The following NT5C1A variants were observed in gnomAD, a reference collection of about 807,000 sequenced individuals.
NT5C1A encodes the protein cytosolic 5'-nucleotidase 1A.
Under a neutral mutation model 31.0 loss-of-function variants are expected in NT5C1A, and 18 were observed. That is an observed-to-expected ratio of 0.58 (90% CI 0.40 to 0.86). NT5C1A has a LOEUF of 0.86. NT5C1A is among the 40% of genes least tolerant of loss of function. The pLI is 0.00. For synonymous variants in NT5C1A, 185 were observed against 203.6 expected, an observed-to-expected ratio of 0.91 and a Z score of 0.78; for missense variants, 470 against 505.4, an observed-to-expected ratio of 0.93 and a Z score of 0.67.
chr1:39,671,420 A>C (rs1279401151), intron 1 of NT5C1A, among the ~76,000 whole-genome samples: 3 of 152,208 alleles, frequency 2.0e-5, no homozygotes, highest in African/African-American at 7.2e-5. Flanking sequence ...CGGGGAGCGC[A>C]CTGCCCCCAG....
rs548912572 is a variant in NT5C1A, at chr1:39,657,890, G to C, written c.*1231C>G. 1.6e-4 allele frequency among the ~76,000 whole-genome samples: 25 copies of C among 152,176 alleles called. No individual in the cohort carries two copies. Among genetic ancestry groups the C allele is most frequent in the Non-Finnish European group, 3.2e-4 (22 of 68,036 alleles). ...TTCCTCTCCAAGCATCACTGTCTCA[G>C]TACCTTCTGTCTCACACCAGACCTC... On this transcript the variant is annotated 3_prime_UTR_variant, in exon 6 of 6. Transcript: ENST00000235628.
At chr1:39,669,496 C>T (rs989165483) in intron 1 of NT5C1A, among the ~76,000 whole-genome samples, 1 of 152,138 alleles carries the variant, frequency 6.6e-6, no homozygotes, top group African/African-American at 2.4e-5. Flanking sequence ...GAGAATTAGC[C>T]CAGGCCAGGC....
At chr1:39,663,249 G>A in intron 4 of NT5C1A, 63 bp downstream of exon 4, 1 of 1,600,832 alleles carries the variant, frequency 6.2e-7, no homozygotes, top group East Asian at 2.2e-5. Context: ...TCAGGACCAG[G>A]CCTCCCACCT....
rs1570454202 is a variant in NT5C1A at position 39,655,501 on chromosome 1, T to C, written c.*3620A>G. Among the ~76,000 whole-genome samples, 1 of 152,202 alleles carries C rather than the reference T, an allele frequency of 6.6e-6. No homozygotes were observed. The highest frequency in any genetic ancestry group is 1.5e-5 in the Non-Finnish European group (1 of 68,022). On this transcript the variant is annotated 3_prime_UTR_variant, in exon 6 of 6. Coordinates refer to ENST00000235628, the MANE Select transcript of NT5C1A (RefSeq NM_032526.3). ...CCATGCAGGAAATCAACATATTAAC[T>C]GTCAGGTAAGTAAACTCCTTTAGTG... is the stretch of plus-strand genomic sequence containing the variant.
intron 4 of NT5C1A, 80 bp downstream of exon 4, chr1:39,663,232 C>A: frequency 1.3e-6 from 2 of 1,546,390 alleles, no homozygotes; most frequent in African/African-American, 1.4e-5. Context: ...AGCACCTGCT[C>A]GGAACTTCAG....
chr1:39,654,751 C>T lies in NT5C1A; in HGVS notation c.*4370G>A, dbSNP rs1289675313. ...ATAGGTGGATGTGACCTGGCTCATCCCACTGAGGCATCAGCCAGGCTGTCT... is the reference window on the plus strand; with the variant it reads ...ATAGGTGGATGTGACCTGGCTCATCTCACTGAGGCATCAGCCAGGCTGTCT... On this transcript the variant is annotated 3_prime_UTR_variant, in exon 6 of 6. Transcript: ENST00000235628. 2.0e-5 allele frequency among the ~76,000 whole-genome samples: 3 copies of T among 152,218 alleles called. No individual in the cohort carries two copies. Among genetic ancestry groups the T allele is most frequent in the Admixed American group, 1.3e-4 (2 of 15,280 alleles).
Position 39,663,465 on chromosome 1 carries a change from C to G in NT5C1A, c.434-31G>C, listed in dbSNP as rs377003623. 3.9e-5 allele frequency: 63 copies of G among 1,612,456 alleles called. No homozygotes were observed. The East Asian group carries it at 4.5e-4, about 11-fold the overall frequency. Reference sequence around the variant, plus strand: ...AAGGAGGTAAAGGACCCAGGTGAGGCCAGGGTCAACCCTGGGCTTCAGGGC... The same window carrying G: ...AAGGAGGTAAAGGACCCAGGTGAGGGCAGGGTCAACCCTGGGCTTCAGGGC... On this transcript the variant is annotated intron_variant, in intron 3 of 5. Coordinates refer to ENST00000235628, the MANE Select transcript of NT5C1A (RefSeq NM_032526.3).
At position 39,666,170 on chromosome 1, in the gene NT5C1A, G is replaced by C; in HGVS notation, c.202C>G (p.Gln68Glu). 1 of 1,592,016 alleles carries C rather than the reference G, an allele frequency of 6.3e-7. No homozygotes were observed. Among genetic ancestry groups the C allele is most frequent in the Non-Finnish European group, 8.5e-7 (1 of 1,170,466 alleles). ...SRALFRMDEE[Q>E]QIYTEQGVEE... ...ACGCCCTGCTCCGTGTAGATCTGCT[G>C]CTCCTCGTCCATGCGAAACAAGGCT... is the stretch of plus-strand genomic sequence containing the variant. The change falls in exon 2 of 6, where the codon CAG (glutamine) becomes GAG (glutamate). Residue 68 changes from glutamine (Q) to glutamate (E), a missense_variant. Physicochemically the swap from Gln to Glu is conservative, Grantham distance 29 (BLOSUM62 2). Transcript: ENST00000235628.
intron 1 of NT5C1A, among the ~76,000 whole-genome samples, chr1:39,668,295 C>T (rs1646533635): frequency 6.6e-6 from 1 of 152,186 alleles, no homozygotes; most frequent in African/African-American, 2.4e-5. Context: ...CAGCTGCCCT[C>T]CCAGCCCCAT....
chr1:39,665,990 A>T, intron 2 of NT5C1A, 79 bp downstream of exon 2: 1 of 1,361,698 alleles, frequency 7.3e-7, no homozygotes, highest in Non-Finnish European at 1.0e-6. Context: ...CTTTCACCTT[A>T]CTCAAATACT....
chr1:39,661,223 C>A lies in NT5C1A; in HGVS notation c.597G>T (p.Val199=), dbSNP rs749577994. 19 of 1,593,504 alleles carry A rather than the reference C, an allele frequency of 1.2e-5. No homozygotes were observed. In the South Asian group the frequency reaches 1.9e-4, roughly 16 times the overall value. The part of the protein sequence containing the change: ...AATIFSPSRD[V]VVSQSQLRVA... ...CGCGCAGCTGACTCTGGGACACAACCACATCCCTGCTGGGGCTGAAGATGG... is the reference window on the plus strand; with the variant it reads ...CGCGCAGCTGACTCTGGGACACAACAACATCCCTGCTGGGGCTGAAGATGG... The change falls in exon 5 of 6, where the codon GTG becomes GTT. Residue 199 remains valine (V), a synonymous_variant. Transcript: ENST00000235628.
Position 39,666,115 on chromosome 1 carries a change from T to C in NT5C1A, c.257A>G (p.His86Arg), listed in dbSNP as rs200056964. 7.3e-4 allele frequency: 1,171 copies of C among 1,613,708 alleles called. 16 individuals carry two copies. In the South Asian group the frequency reaches 7.3e-3, roughly 10 times the overall value. The change falls in exon 2 of 6, where the codon CAT becomes CGT. Residue 86 changes from histidine (H) to arginine (R), a missense_variant. Physicochemically the swap from His to Arg is conservative, Grantham distance 29 (BLOSUM62 0). Transcript: ENST00000235628. ...VEEYVRYQLE[H>R]ENEPFSPGPA... The stretch of plus-strand genomic sequence containing the variant: ...CCCGGGACTGAAGGGTTCGTTCTCA[T>C]GTTCCAGCTGGTAGCGCACGTACTC...
In NT5C1A at chr1:39,659,268, C is replaced by T. The variant is rs1333825882; in HGVS notation, c.960G>A (p.Lys320=). The part of the protein sequence containing the change: ...AGAPKGPLLE[K]IRPHIFFDDQ... ...CATCAAAGAAGATGTGTGGGCGGAT[C>T]TTCTCAAGGAGAGGGCCCTTGGGCG... Residue 320 remains lysine (K), a synonymous_variant, in exon 6 of 6, where the codon AAG becomes AAA. Coordinates refer to ENST00000235628, the MANE Select transcript of NT5C1A (RefSeq NM_032526.3). 1 of 1,614,028 alleles carries T rather than the reference C, an allele frequency of 6.2e-7. No homozygotes were observed. The highest frequency in any genetic ancestry group is 8.5e-7 in the Non-Finnish European group (1 of 1,180,052).
intron 5 of NT5C1A, among the ~76,000 whole-genome samples, chr1:39,660,061 A>G (rs1289676374): frequency 7.2e-5 from 11 of 152,244 alleles, no homozygotes; most frequent in Non-Finnish European, 1.2e-4. Flanking sequence ...AACGATGAAG[A>G]AAACTGCTTA....
At chr1:39,664,191 T>A (rs554599536) in intron 3 of NT5C1A, among the ~76,000 whole-genome samples, 1 of 151,742 alleles carries the variant, frequency 6.6e-6, no homozygotes, top group South Asian at 2.1e-4. Flanking sequence ...TCTTGCTCTG[T>A]CGCCCAGGCT....
chr1:39,671,232 A>C (rs934747251), intron 1 of NT5C1A, among the ~76,000 whole-genome samples: 1 of 152,202 alleles, frequency 6.6e-6, no homozygotes, highest in Non-Finnish European at 1.5e-5. Context: ...GTGAGGTCCC[A>C]GACGGTTGAC....
In NT5C1A at chr1:39,656,759, C is replaced by T. The variant is rs886756373; in HGVS notation, c.*2362G>A. Among the ~76,000 whole-genome samples, 2 of 152,236 alleles carry T rather than the reference C, an allele frequency of 1.3e-5. No individual in the cohort carries two copies. The highest frequency in any genetic ancestry group is 4.8e-5 in the African/African-American group (2 of 41,454). ...GCCATGCTGTGAGCCTGGGCTGTGCCCGGCCTTGTAGGCTTCTTGCAGTCA... is the reference window on the plus strand; with the variant it reads ...GCCATGCTGTGAGCCTGGGCTGTGCTCGGCCTTGTAGGCTTCTTGCAGTCA... On this transcript the variant is annotated 3_prime_UTR_variant, in exon 6 of 6. Transcript: ENST00000235628.
At position 39,659,429 on chromosome 1, in the gene NT5C1A, T is replaced by C. The variant is rs757138737; in HGVS notation, c.799A>G (p.Lys267Glu). Residue 267 changes from lysine to glutamate, a missense_variant, in exon 6 of 6, where the codon AAA (lysine) becomes GAA (glutamate). Transcript: ENST00000235628. ...LGRLQKKFYSKGLRLECPIRT... is the reference protein window; with the variant it reads ...LGRLQKKFYSEGLRLECPIRT... ...ATTGGGCACTCCAGCCGCAGGCCTT[T>C]GGAGTAGAACTTCTTCTGCAACCTA... 5 of 1,611,302 alleles carry C rather than the reference T, an allele frequency of 3.1e-6. No homozygotes were observed. The highest frequency in any genetic ancestry group is 2.2e-5 in the South Asian group (2 of 90,834).
At chr1:39,662,106 C>G (rs1018045351) in intron 4 of NT5C1A, among the ~76,000 whole-genome samples, 2 of 152,186 alleles carry the variant, frequency 1.3e-5, no homozygotes, top group Non-Finnish European at 2.9e-5. Context: ...GGCTGGAGAC[C>G]TGGGCAACTG....
Sources: allele counts gnomAD v4.1 joint callset (sites outside exome capture counted in the v4.1 genomes callset), GRCh38; gene constraint gnomAD v4.1.1; transcripts MANE v1.5; gene names NCBI Gene and HGNC (gene_info 2026-07-23, HGNC 2026-07-21).